Variants in LAMA3 observed in about 807,000 individuals in gnomAD.
The protein encoded by LAMA3 is laminin subunit alpha-3.
Under a neutral mutation model 402.0 loss-of-function variants are expected in LAMA3, and 281 were observed. The observed-to-expected ratio is 0.70, with a 90% CI of 0.63 to 0.77. The LOEUF (loss-of-function observed/expected upper bound fraction) is 0.77, where lower values mean the gene tolerates loss of function less well. Ranked by LOEUF, LAMA3 falls within the 30% of genes least tolerant of loss-of-function variation. The pLI is 0.00. For synonymous variants in LAMA3, 1,431 were observed against 1,558.4 expected (o/e 0.92, Z 1.93); for missense variants, 3,840 against 4,215.5 (o/e 0.91, Z 2.47).
At position 23,921,378 on chromosome 18, in the gene LAMA3, G is replaced by C. The variant is rs906784929; in HGVS notation, c.8044-74G>C. On this transcript the variant is annotated intron_variant, in intron 61 of 74. Coordinates refer to ENST00000313654, the MANE Select transcript of LAMA3 (RefSeq NM_198129.4). ...TCTGGGGGAAGATAAATAAAAACAT[G>C]ATAGTTCTGAACCCCTGTGAATAGG... The C allele has an allele frequency of 5.4e-6, 8 of 1,491,490 alleles. No individual in the cohort carries two copies. In the Middle Eastern group the frequency reaches 5.4e-4, roughly 101 times the overall value. The allele number at this position is 1,491,490 out of a possible 1,614,324, so 92.4% of individuals were successfully genotyped here.
At chr18:23,736,738 G>A (rs1359017027) in intron 2 of LAMA3, among the ~76,000 whole-genome samples, 1 of 152,080 alleles carries the variant, frequency 6.6e-6, no homozygotes, top group Non-Finnish European at 1.5e-5. Flanking sequence ...AGCACAGAAG[G>A]CTCCCAGGAT....
chr18:23,872,966 C>T, intron 38 of LAMA3: 1 of 1,581,826 alleles, frequency 6.3e-7, no homozygotes. Context: ...CAGGCAGGCC[C>T]GGGCACTGAG....
intron 7 of LAMA3, among the ~76,000 whole-genome samples, chr18:23,761,873 A>G (rs2061976891): frequency 6.6e-6 from 1 of 152,264 alleles, no homozygotes; most frequent in African/African-American, 2.4e-5. Flanking sequence ...CTTTCACAGT[A>G]ATAAATAATA....
chr18:23,779,692 GA>G lies in LAMA3; in HGVS notation c.1468+2075del, dbSNP rs369196014. 8.4e-3 allele frequency among the ~76,000 whole-genome samples: 1,284 copies of G among 152,262 alleles called. 13 individuals carry two copies. The highest frequency in any genetic ancestry group is 0.065 in the South Asian group (312 of 4,820). ...GGAATAACAAACAAGGTCAGAGCAA[GA>G]AGCAAGAGAGGAGGGCTCGGGGTTG... On this transcript the variant is annotated intron_variant, in intron 11 of 74. Coordinates refer to ENST00000313654, the MANE Select transcript of LAMA3 (RefSeq NM_198129.4).
At position 23,944,392 on chromosome 18, in the gene LAMA3, T is replaced by G. The variant is rs565063080; in HGVS notation, c.9210+421T>G. Among the ~76,000 whole-genome samples the G allele has an allele frequency of 1.4e-4, 21 of 152,284 alleles. No homozygotes were observed. The South Asian group carries it at 3.1e-3, about 23-fold the overall frequency. Reference sequence around the variant, plus strand: ...TTTCAAGAAATACCATTTAAGGCAATAAGGGACCTATTTATTTCTCTAATG... The same window carrying G: ...TTTCAAGAAATACCATTTAAGGCAAGAAGGGACCTATTTATTTCTCTAATG... On this transcript the variant is annotated intron_variant, in intron 69 of 74. Transcript: ENST00000313654.
chr18:23,728,804 G>C (rs1324208687), intron 2 of LAMA3, among the ~76,000 whole-genome samples: 3 of 152,102 alleles, frequency 2.0e-5, no homozygotes, highest in Admixed American at 6.5e-5. Flanking sequence ...GCCGAGGCAG[G>C]CGGGTCACCT....
intron 63 of LAMA3, 21 bp from the exon 64 acceptor site, chr18:23,928,604 T>G: frequency 6.2e-7 from 1 of 1,612,788 alleles, no homozygotes. Flanking sequence ...GCCAGTAATT[T>G]ATTCCATGTT....
At chr18:23,696,823 T>C (rs919698884) in intron 1 of LAMA3, among the ~76,000 whole-genome samples, 1 of 152,242 alleles carries the variant, frequency 6.6e-6, no homozygotes, top group Non-Finnish European at 1.5e-5. Flanking sequence ...ATTCTCTTTC[T>C]CTGAGCAGGT....
At chr18:23,932,629 G>T (rs968879462) in intron 66 of LAMA3, 3 of 319,912 alleles carry the variant, frequency 9.4e-6, no homozygotes, top group African/African-American at 6.5e-5. Context: ...AGCTCTCCAC[G>T]GTTTTCAAGG....
At chr18:23,834,038 T>C (rs1343123436) in intron 24 of LAMA3, 50 bp downstream of exon 24, 5 of 1,605,730 alleles carry the variant, frequency 3.1e-6, no homozygotes, top group Non-Finnish European at 4.3e-6. Flanking sequence ...AATTAGGAAA[T>C]CTGCCTTAGG....
chr18:23,867,370 A>G (rs954633717), intron 36 of LAMA3, among the ~76,000 whole-genome samples: 1 of 152,186 alleles, frequency 6.6e-6, no homozygotes, highest in East Asian at 1.9e-4. Flanking sequence ...CAGCCTGGCC[A>G]ACATGGTGAA....
At chr18:23,800,959 T>G (rs561808990) in intron 12 of LAMA3, among the ~76,000 whole-genome samples, 1 of 152,356 alleles carries the variant, frequency 6.6e-6, no homozygotes, top group South Asian at 2.1e-4. Flanking sequence ...ACTTCATATC[T>G]TGATTATTGT....
At chr18:23,827,502 A>C in intron 23 of LAMA3, 35 bp downstream of exon 23, 1 of 1,608,190 alleles carries the variant, frequency 6.2e-7, no homozygotes, top group Non-Finnish European at 8.5e-7. Context: ...CAAAGTTATT[A>C]CTACCTCCCC....
At chr18:23,718,211 A>C (rs555161980) in intron 2 of LAMA3, among the ~76,000 whole-genome samples, 1 of 151,966 alleles carries the variant, frequency 6.6e-6, no homozygotes, top group South Asian at 2.1e-4. Context: ...TAGTGGTGGG[A>C]TCTACATATA....
intron 36 of LAMA3, among the ~76,000 whole-genome samples, chr18:23,865,992 C>G (rs905011289): frequency 2.6e-5 from 4 of 152,242 alleles, no homozygotes; most frequent in African/African-American, 9.6e-5. Context: ...GCCACCATGC[C>G]CGGCTAATTT....
At chr18:23,875,672 C>T (rs575670982) in intron 38 of LAMA3, among the ~76,000 whole-genome samples, 7 of 152,210 alleles carry the variant, frequency 4.6e-5, no homozygotes, top group South Asian at 4.1e-4. Flanking sequence ...ACTACTCCTA[C>T]TATACTGCCC....
chr18:23,717,455 T>G (rs2061121574), intron 2 of LAMA3, among the ~76,000 whole-genome samples: 1 of 152,084 alleles, frequency 6.6e-6, no homozygotes, highest in Admixed American at 6.5e-5. Flanking sequence ...GAGGGTCTTG[T>G]TTTCTTTTAG....
intron 34 of LAMA3, among the ~76,000 whole-genome samples, chr18:23,859,606 A>G (rs926809372): frequency 1.3e-5 from 2 of 152,248 alleles, no homozygotes; most frequent in Non-Finnish European, 2.9e-5. Context: ...ACAGAGCAAC[A>G]GCCAGGTGAA....
chr18:23,896,197 A>T (rs2080868012), intron 44 of LAMA3, among the ~76,000 whole-genome samples: 1 of 152,150 alleles, frequency 6.6e-6, no homozygotes, highest in African/African-American at 2.4e-5. Context: ...TTAGCCAGGC[A>T]TGATGGCACA....
Sources: gnomAD v4.1 joint callset for allele counts (sites outside exome capture counted in the v4.1 genomes callset) on GRCh38, gnomAD v4.1.1 for gene constraint, MANE v1.5 for transcripts, NCBI Gene and HGNC (gene_info 2026-07-23, HGNC 2026-07-21) for gene names.